The following EVA1C variants were observed in gnomAD, a reference collection of about 807,000 sequenced individuals.
EVA1C encodes the protein protein eva-1 homolog C.
In EVA1C, 25 loss-of-function variants were observed where a neutral mutation model predicts 45.4. The ratio of observed to expected loss-of-function variants is 0.55; its 90% CI spans 0.40 to 0.77. EVA1C has a LOEUF of 0.77. Ranked by LOEUF, EVA1C falls within the 30% of genes least tolerant of loss-of-function variation. The pLI is 0.00. For missense variants in EVA1C, 479 were observed against 554.8 expected (o/e 0.86, Z 1.37); for synonymous variants, 190 against 221.2 (o/e 0.86, Z 1.25).
At position 32,507,486 on chromosome 21, in the gene EVA1C, G is replaced by A. The variant is rs370762630; in HGVS notation, c.949+3471G>A. Among the ~76,000 whole-genome samples, 1,033 of 151,264 alleles carry A rather than the reference G, an allele frequency of 6.8e-3. 13 individuals are homozygous for A. Among genetic ancestry groups the A allele is most frequent in the African/African-American group, 0.024 (974 of 41,184 alleles). Reference sequence around the variant, plus strand: ...TGTGCATGTGTGCATGTGTGTATGCGTCTGTGTGCGTGTGTCTGTATCTGT... The same window carrying A: ...TGTGCATGTGTGCATGTGTGTATGCATCTGTGTGCGTGTGTCTGTATCTGT... On this transcript the variant is annotated intron_variant, in intron 7 of 7. Transcript: ENST00000300255.
chr21:32,416,266 G>A (rs1016462900), intron 1 of EVA1C, among the ~76,000 whole-genome samples: 2 of 151,010 alleles, frequency 1.3e-5, no homozygotes, highest in Non-Finnish European at 3.0e-5. Flanking sequence ...AAGGTAAGCT[G>A]GGTCTTCTCT....
chr21:32,507,638 A>G (rs554422129), intron 7 of EVA1C, among the ~76,000 whole-genome samples: 1 of 148,562 alleles, frequency 6.7e-6, no homozygotes, highest in Non-Finnish European at 1.5e-5. Context: ...CTGTGTGTGC[A>G]TGGGTTTGCA....
At chr21:32,493,843 A>G (rs2037251432) in intron 4 of EVA1C, 1 of 151,934 alleles carries the variant, frequency 6.6e-6, no homozygotes, top group Non-Finnish European at 1.5e-5. Flanking sequence ...TTGGTCGCCC[A>G]GGCTGGAGTG....
chr21:32,458,481 A>ATTTTTTTTTTT (rs1555859600), intron 3 of EVA1C, among the ~76,000 whole-genome samples: 1 of 141,142 alleles, frequency 7.1e-6, no homozygotes, highest in African/African-American at 2.7e-5. Context: ...GAAGTTAAGC[A>ATTTTTTTTTTT]CTTTTTTTTT....
chr21:32,442,506 A>G lies in EVA1C; in HGVS notation c.161-10806A>G, dbSNP rs532910716. On this transcript the variant is annotated intron_variant, in intron 1 of 7. Transcript: ENST00000300255. ...ACCCCCCAACCCCATGCCATTGCCA[A>G]TTCTCTAAATGCATTCACAAACACA... 3.3e-4 allele frequency among the ~76,000 whole-genome samples: 50 copies of G among 152,144 alleles called. No individual in the cohort carries two copies. The East Asian group carries it at 5.2e-3, about 16-fold the overall frequency.
rs577523162 is a variant in EVA1C at position 32,501,115 on chromosome 21, C to T, written c.779-300C>T. ...GGTGTAAGCCACCATGCTGGGCCTT[C>T]ATTCCGTTTTATTATGAGGTGTATT... is the stretch of plus-strand genomic sequence containing the variant. On this transcript the variant is annotated intron_variant, in intron 5 of 7. Transcript: ENST00000300255. Among the ~76,000 whole-genome samples the T allele has an allele frequency of 2.0e-5, 3 of 152,286 alleles. No homozygotes were observed. The East Asian group carries it at 5.8e-4, about 29-fold the overall frequency.
chr21:32,513,070 GTTA>G (rs995841046), intron 7 of EVA1C, among the ~76,000 whole-genome samples: 26 of 148,540 alleles, frequency 1.8e-4, no homozygotes, highest in African/African-American at 4.5e-4. Flanking sequence ...TAATATAGTT[GTTA>G]TTATTGTAAT....
At chr21:32,420,725 T>C (rs1244536667) in intron 1 of EVA1C, among the ~76,000 whole-genome samples, 4 of 152,194 alleles carry the variant, frequency 2.6e-5, no homozygotes, top group Non-Finnish European at 5.9e-5. Flanking sequence ...CATAAAGCAC[T>C]CTATGCCAGA....
At chr21:32,467,920 A>C (rs984501129) in intron 4 of EVA1C, 72 bp downstream of exon 4, 3 of 862,344 alleles carry the variant, frequency 3.5e-6, no homozygotes, top group African/African-American at 1.8e-5. Flanking sequence ...ATATATATAT[A>C]TCCTATATAT....
At chr21:32,422,138 G>C (rs756734150) in intron 1 of EVA1C, among the ~76,000 whole-genome samples, 2 of 151,640 alleles carry the variant, frequency 1.3e-5, no homozygotes, top group Non-Finnish European at 2.9e-5. Flanking sequence ...AGAAAAAACA[G>C]GTGTATTTGT....
chr21:32,462,769 G>C (rs541915858), intron 3 of EVA1C, among the ~76,000 whole-genome samples: 1 of 152,226 alleles, frequency 6.6e-6, no homozygotes, highest in Non-Finnish European at 1.5e-5. Context: ...GTGCCTTAAG[G>C]ATGTGCTCCT....
intron 2 of EVA1C, among the ~76,000 whole-genome samples, chr21:32,454,574 C>G (rs1006608209): frequency 6.6e-6 from 1 of 151,390 alleles, no homozygotes; most frequent in African/African-American, 2.4e-5. Flanking sequence ...ACTAGTTGAC[C>G]AGGATTACTG....
intron 1 of EVA1C, among the ~76,000 whole-genome samples, chr21:32,434,020 C>T (rs114109020): frequency 0.1 from 15,497 of 151,698 alleles, 913 homozygotes; most frequent in Middle Eastern, 0.21. Flanking sequence ...ATAGGCCAGG[C>T]GCAGTGGCTT....
At chr21:32,471,832 G>T (rs1174014910) in intron 4 of EVA1C, among the ~76,000 whole-genome samples, 2 of 151,644 alleles carry the variant, frequency 1.3e-5, no homozygotes, top group African/African-American at 4.9e-5. Flanking sequence ...GTTTCACTAT[G>T]TTAGCCAGGA....
At chr21:32,495,632 T>C (rs966207100) in intron 5 of EVA1C, among the ~76,000 whole-genome samples, 5 of 152,224 alleles carry the variant, frequency 3.3e-5, no homozygotes, top group African/African-American at 1.2e-4. Context: ...ATGCCCACAG[T>C]GTTGAGTCAA....
At chr21:32,467,097 G>A (rs1263510147) in intron 3 of EVA1C, among the ~76,000 whole-genome samples, 2 of 152,108 alleles carry the variant, frequency 1.3e-5, no homozygotes, top group Admixed American at 6.6e-5. Flanking sequence ...AGGCTGCAGT[G>A]AGCTATGATT....
intron 4 of EVA1C, among the ~76,000 whole-genome samples, chr21:32,492,692 C>A (rs1215933389): frequency 3.6e-5 from 5 of 138,736 alleles, no homozygotes; most frequent in Non-Finnish European, 3.1e-5. Flanking sequence ...ACCTCAAATG[C>A]AGGACAGTTT....
At chr21:32,507,964 T>A (rs2037825209) in intron 7 of EVA1C, among the ~76,000 whole-genome samples, 1 of 146,276 alleles carries the variant, frequency 6.8e-6, no homozygotes, top group Admixed American at 6.8e-5. Flanking sequence ...TGTGTGTGTA[T>A]CTGTATGTGT....
At chr21:32,468,009 C>T (rs2036240831) in intron 4 of EVA1C, 161 bp downstream of exon 4, 3 of 368,560 alleles carry the variant, frequency 8.1e-6, no homozygotes, top group South Asian at 2.6e-4. Context: ...AATAAACTCC[C>T]GTGTGTGTGT....
Sources: allele counts gnomAD v4.1 joint callset (sites outside exome capture counted in the v4.1 genomes callset), GRCh38; gene constraint gnomAD v4.1.1; transcripts MANE v1.5; gene names NCBI Gene and HGNC (gene_info 2026-07-23, HGNC 2026-07-21).